ATP6V0D2: variants seen among roughly 807,000 people sequenced by gnomAD.
The protein encoded by ATP6V0D2 is ATPase H+ transporting V0 subunit d2.
Under a neutral mutation model 40.0 loss-of-function variants are expected in ATP6V0D2, and 40 were observed. That is an observed-to-expected ratio of 1.00 (90% confidence interval 0.78 to 1.30). The LOEUF is 1.30. ATP6V0D2 is among the 50% of genes most tolerant of loss of function. The probability of loss-of-function intolerance (pLI) is 0.00; values close to 1 mark genes in which losing one functional copy is unlikely to be tolerated. For synonymous variants in ATP6V0D2, 179 were observed against 156.3 expected (o/e 1.15, Z -1.08); for missense variants, 470 against 423.1 (o/e 1.11, Z -0.97).
chr8:86,131,353 A>G (rs1221993072), intron 2 of ATP6V0D2, among the ~76,000 whole-genome samples: 1 of 148,760 alleles, frequency 6.7e-6, no homozygotes, highest in Non-Finnish European at 1.5e-5. Context: ...GCGCACACCA[A>G]CACGCTCAGC....
intron 2 of ATP6V0D2, among the ~76,000 whole-genome samples, chr8:86,115,911 A>T (rs1818586855): frequency 6.6e-6 from 1 of 152,176 alleles, no homozygotes; most frequent in Non-Finnish European, 1.5e-5. Context: ...ATTCCATGAA[A>T]ACAGACCTGC....
intron 1 of ATP6V0D2, among the ~76,000 whole-genome samples, chr8:86,100,039 TAA>T (rs60101140): frequency 4.1e-4 from 59 of 145,332 alleles, no homozygotes; most frequent in African/African-American, 6.7e-4. Flanking sequence ...TAACTGAAGT[TAA>T]AAAAAAAAAA....
chr8:86,112,863 G>A (rs1463260170), intron 1 of ATP6V0D2, among the ~76,000 whole-genome samples: 1 of 152,068 alleles, frequency 6.6e-6, no homozygotes, highest in Admixed American at 6.6e-5. Context: ...TAAGAATAAG[G>A]GGACTAATCG....
chr8:86,138,132 A>G (rs541482234), intron 2 of ATP6V0D2, among the ~76,000 whole-genome samples: 30 of 152,248 alleles, frequency 2.0e-4, no homozygotes, highest in African/African-American at 6.7e-4. Flanking sequence ...CAGGCAAAGG[A>G]AACACCCTGA....
In ATP6V0D2 at chr8:86,150,236, T is replaced by C. The variant is rs1819125596; in HGVS notation, c.764T>C (p.Leu255Ser). 1 of 1,613,256 alleles carries C rather than the reference T, an allele frequency of 6.2e-7. No homozygotes were observed. Among genetic ancestry groups the C allele is most frequent in the Non-Finnish European group, 8.5e-7 (1 of 1,179,874 alleles). Residue 255 changes from leucine (L) to serine (S), a missense_variant, in exon 6 of 8, where the codon TTG (leucine) becomes TCG (serine). Transcript: ENST00000285393. ...CTCTATCCTGAGGGGTTGCGGCTGT[T>C]GGCTCAAGCAGAAGACTTTGACCAG... The part of the protein sequence containing the change: ...GKLYPEGLRL[L>S]AQAEDFDQMK...
rs535194988 is a variant in ATP6V0D2 at position 86,151,923 on chromosome 8, T to TA, written c.891+393dup. On this transcript the variant is annotated intron_variant, in intron 7 of 7. Transcript: ENST00000285393. ...ATCATATGAGATAATGTTTCTTTTT[T>TA]AAAAAAAAAATTGTGTTATACTTTA... Among the ~76,000 whole-genome samples the TA allele has an allele frequency of 2.8e-3, 428 of 151,252 alleles. 3 individuals are homozygous for TA. The highest frequency in any genetic ancestry group is 2.1e-3 in the Non-Finnish European group (144 of 67,760).
chr8:86,148,437 G>A (rs1819099994), intron 5 of ATP6V0D2, among the ~76,000 whole-genome samples: 1 of 152,178 alleles, frequency 6.6e-6, no homozygotes, highest in Non-Finnish European at 1.5e-5. Flanking sequence ...AGGATTTCCA[G>A]TGAAATCTGT....
At chr8:86,103,398 T>C (rs1027297968) in intron 1 of ATP6V0D2, among the ~76,000 whole-genome samples, 7 of 151,904 alleles carry the variant, frequency 4.6e-5, no homozygotes, top group African/African-American at 1.7e-4. Context: ...CCTAAAGTGC[T>C]GGGATTACAG....
intron 6 of ATP6V0D2, among the ~76,000 whole-genome samples, chr8:86,151,096 T>C (rs1370266275): frequency 6.6e-6 from 1 of 152,224 alleles, no homozygotes; most frequent in South Asian, 2.1e-4. Flanking sequence ...TACATGTGAA[T>C]TTTATCAATT....
At chr8:86,125,379 A>G (rs1022139371) in intron 2 of ATP6V0D2, among the ~76,000 whole-genome samples, 1 of 152,164 alleles carries the variant, frequency 6.6e-6, no homozygotes, top group Non-Finnish European at 1.5e-5. Context: ...CTTCATTTTC[A>G]GGATGGAGAC....
chr8:86,148,419 T>C (rs957029353), intron 5 of ATP6V0D2, among the ~76,000 whole-genome samples: 4 of 152,192 alleles, frequency 2.6e-5, no homozygotes, highest in African/African-American at 9.6e-5. Flanking sequence ...AAACACCTGT[T>C]CTTACATAGG....
At chr8:86,149,213 C>T (rs1819111671) in intron 5 of ATP6V0D2, among the ~76,000 whole-genome samples, 1 of 151,930 alleles carries the variant, frequency 6.6e-6, no homozygotes, top group South Asian at 2.1e-4. Context: ...CCAAGAAAAC[C>T]ATGGCAAGCC....
Position 86,152,960 on chromosome 8 carries a change from T to C in ATP6V0D2, c.1036T>C (p.Tyr346His). 6.2e-7 allele frequency: 1 copy of C among 1,601,750 alleles called. No individual in the cohort carries two copies. Among genetic ancestry groups the C allele is most frequent in the Non-Finnish European group, 8.5e-7 (1 of 1,175,970 alleles). ...SQRHRTKINS[Y>H]IPIL ...GAGGCATCGAACTAAAATCAACAGT[T>C]ACATTCCAATTTTATAACCCAAGTA... is the stretch of plus-strand genomic sequence containing the variant. Residue 346 changes from tyrosine to histidine, a missense_variant, in exon 8 of 8, where the codon TAC becomes CAC. Coordinates refer to ENST00000285393, the MANE Select transcript of ATP6V0D2 (RefSeq NM_152565.1).
Position 86,099,101 on chromosome 8 carries a change from C to T in ATP6V0D2, c.123C>T (p.Thr41=). The part of the protein sequence containing the change: ...QDYINLVQCE[T]LEDLKIHLQT... ...ATATCAACCTGGTCCAGTGTGAGAC[C>T]CTAGAAGGTAAGTGTAGCTCTTCTC... Residue 41 remains threonine, a synonymous_variant, in exon 1 of 8, where the codon ACC becomes ACT. Transcript: ENST00000285393. 6.2e-7 allele frequency: 1 copy of T among 1,610,904 alleles called. No individual in the cohort carries two copies. The highest frequency in any genetic ancestry group is 8.5e-7 in the Non-Finnish European group (1 of 1,178,912).
intron 1 of ATP6V0D2, among the ~76,000 whole-genome samples, chr8:86,101,598 G>A (rs986844407): frequency 2.0e-5 from 3 of 151,980 alleles, no homozygotes; most frequent in Admixed American, 6.6e-5. Context: ...ATAGATAGAA[G>A]GAGGAAGAAA....
chr8:86,151,806 C>T (rs891777836), intron 7 of ATP6V0D2, among the ~76,000 whole-genome samples: 28 of 144,126 alleles, frequency 1.9e-4, no homozygotes, highest in South Asian at 8.7e-4. Context: ...TTAAAAACTG[C>T]GAGAAGTAAT....
chr8:86,132,138 G>A (rs1338466516), intron 2 of ATP6V0D2, among the ~76,000 whole-genome samples: 1 of 152,100 alleles, frequency 6.6e-6, no homozygotes, highest in Admixed American at 6.5e-5. Context: ...GTATAGCCCT[G>A]AGGTATAAAA....
intron 2 of ATP6V0D2, among the ~76,000 whole-genome samples, chr8:86,125,952 T>G (rs1674290094): frequency 6.7e-6 from 1 of 150,084 alleles, no homozygotes; most frequent in Non-Finnish European, 1.5e-5. Flanking sequence ...TTATTTGTTT[T>G]TCTGAGACAG....
At chr8:86,141,108 T>C (rs2130273882) in intron 3 of ATP6V0D2, among the ~76,000 whole-genome samples, 1 of 152,266 alleles carries the variant, frequency 6.6e-6, no homozygotes, top group Non-Finnish European at 1.5e-5. Flanking sequence ...CAGGTGGTAA[T>C]GCAAACAGTG....
Sources: allele counts gnomAD v4.1 joint callset (sites outside exome capture counted in the v4.1 genomes callset), GRCh38; gene constraint gnomAD v4.1.1; transcripts MANE v1.5; gene names NCBI Gene and HGNC (gene_info 2026-07-23, HGNC 2026-07-21).